The following EFNA3 variants were observed in gnomAD, a reference collection of about 807,000 sequenced individuals.
EFNA3 encodes the protein ephrin A3, also known as ephrin-A3.
In EFNA3, 15 loss-of-function variants were observed where a neutral mutation model predicts 25.0. The ratio of observed to expected loss-of-function variants is 0.60; its 90% CI spans 0.40 to 0.92. EFNA3 has a LOEUF of 0.92. Ranked by LOEUF, EFNA3 falls within the 40% of genes least tolerant of loss-of-function variation. The probability of loss-of-function intolerance (pLI) is 0.00; values close to 1 mark genes in which losing one functional copy is unlikely to be tolerated. For synonymous variants in EFNA3, 153 were observed against 145.6 expected, an observed-to-expected ratio of 1.05 and a Z score of -0.37; for missense variants, 298 against 323.8, an observed-to-expected ratio of 0.92 and a Z score of 0.61.
chr1:155,082,549 C>G (rs1663362252), intron 1 of EFNA3, among the ~76,000 whole-genome samples: 1 of 152,218 alleles, frequency 6.6e-6, no homozygotes, highest in South Asian at 2.1e-4. Context: ...GGATGCGCCT[C>G]AGAGGCTGTG....
In EFNA3 at chr1:155,078,918, GC is replaced by G; in HGVS notation, c.-23del. The G allele has an allele frequency of 7.3e-7, 1 of 1,361,282 alleles. No individual in the cohort carries two copies. Among genetic ancestry groups the G allele is most frequent in the Non-Finnish European group, 9.5e-7 (1 of 1,057,360 alleles). 84.3% of individuals were successfully genotyped at this position (1,361,282 alleles called of 1,614,324 possible). ...CGGGAGCGCGGGGCTCAGTCGGGGGGCGGCGGCGGCGGCGGCTCCGGGGATG... is the reference window on the plus strand; with the variant it reads ...CGGGAGCGCGGGGCTCAGTCGGGGGGGGCGGCGGCGGCGGCTCCGGGGATG... On this transcript the variant is annotated 5_prime_UTR_variant, in exon 1 of 5. Transcript: ENST00000368408.
At chr1:155,082,252 A>G (rs1018239914) in intron 1 of EFNA3, among the ~76,000 whole-genome samples, 2 of 152,050 alleles carry the variant, frequency 1.3e-5, no homozygotes, top group Non-Finnish European at 2.9e-5. Flanking sequence ...GGGAAGAGGA[A>G]CCCGGGTCTA....
At chr1:155,083,649 C>A (rs1200322134) in intron 1 of EFNA3, among the ~76,000 whole-genome samples, 1 of 152,180 alleles carries the variant, frequency 6.6e-6, no homozygotes, top group African/African-American at 2.4e-5. Flanking sequence ...ACAAGCAAAG[C>A]CAAGGAAGTG....
At position 155,081,664 on chromosome 1, in the gene EFNA3, GTC is replaced by G. The variant is rs934859500; in HGVS notation, c.128+2599_128+2600del. On this transcript the variant is annotated intron_variant, in intron 1 of 4. Coordinates refer to ENST00000368408, the MANE Select transcript of EFNA3 (RefSeq NM_004952.5). This position sits in a 1 kb window ranked among gnomAD's most constrained non-coding sequence, Gnocchi z 5.2. ...CCCTGTCCCTGCTTCTCTCCTTTGC[GTC>G]TCTGTCTCCGTCTCCGCCGTCTGTG... Among the ~76,000 whole-genome samples, 1 of 151,898 alleles carries G rather than the reference GTC, an allele frequency of 6.6e-6. No homozygotes were observed. Among genetic ancestry groups the G allele is most frequent in the African/African-American group, 2.4e-5 (1 of 41,354 alleles).
rs1036978490 is a variant in EFNA3 at position 155,081,360 on chromosome 1, G to T, written c.128+2291G>T. Among the ~76,000 whole-genome samples, 1 of 152,250 alleles carries T rather than the reference G, an allele frequency of 6.6e-6. No individual in the cohort carries two copies. Among genetic ancestry groups the T allele is most frequent in the Non-Finnish European group, 1.5e-5 (1 of 68,046 alleles). On this transcript the variant is annotated intron_variant, in intron 1 of 4. Transcript: ENST00000368408. The surrounding 1 kb of genome is among the most constrained non-coding windows in gnomAD (Gnocchi z 5.2). ...TAAGCCGGGAATCGAACTTGGTGAG[G>T]GGGGTTGGGACGGCCGATGGCCAAA... is the stretch of plus-strand genomic sequence containing the variant.
rs1332448026 is a variant in EFNA3 at position 155,085,740 on chromosome 1, C to G, written c.443-137C>G. The G allele has an allele frequency of 9.9e-7, 1 of 1,012,062 alleles. No individual in the cohort carries two copies. 62.7% of individuals were successfully genotyped at this position (1,012,062 alleles called of 1,614,324 possible). ...GGCCGACGGCAGAGCTAAAGTGACC[C>G]GTGTCCAAAGGGTAGGGGAGCTCCT... On this transcript the variant is annotated intron_variant, in intron 2 of 4. Transcript: ENST00000368408. The surrounding 1 kb of genome is among the most constrained non-coding windows in gnomAD (Gnocchi z 4.4).
At position 155,085,096 on chromosome 1, in the gene EFNA3, G is replaced by C. The variant is rs762313708; in HGVS notation, c.134G>C (p.Arg45Pro). 8.7e-6 allele frequency: 14 copies of C among 1,613,632 alleles called. No homozygotes were observed. Among genetic ancestry groups the C allele is most frequent in the Non-Finnish European group, 1.2e-5 (14 of 1,179,944 alleles). The change falls in exon 2 of 5, where the codon CGG becomes CCG. Residue 45 changes from arginine (R) to proline (P), a missense_variant. Arg to Pro is a moderately radical substitution (Grantham distance 103). Transcript: ENST00000368408. The surrounding 1 kb of genome is among the most constrained non-coding windows in gnomAD (Gnocchi z 4.4). ...CCGCTTCCTCTTCCCCACAGCCTGC[G>C]GCGAGAGGGCTACACCGTGCAGGTG... ...VYWNSSNQHL[R>P]REGYTVQVNV...
chr1:155,084,523 G>T (rs143148029), intron 1 of EFNA3, among the ~76,000 whole-genome samples: 255 of 152,352 alleles, frequency 1.7e-3, no homozygotes, highest in African/African-American at 5.3e-3. Flanking sequence ...GCATGAAGCC[G>T]CCATACATGC....
rs1461163980 is a variant in EFNA3 at position 155,081,933 on chromosome 1, C to A, written c.128+2864C>A. Among the ~76,000 whole-genome samples, 3 of 152,158 alleles carry A rather than the reference C, an allele frequency of 2.0e-5. No homozygotes were observed. Among genetic ancestry groups the A allele is most frequent in the African/African-American group, 7.2e-5 (3 of 41,462 alleles). ...CCGCTGCAGATCAATAAACCTTCGC[C>A]GCCGCCGCCGCCGCTGTCGCAGGGA... On this transcript the variant is annotated intron_variant, in intron 1 of 4. Coordinates refer to ENST00000368408, the MANE Select transcript of EFNA3 (RefSeq NM_004952.5). This position sits in a 1 kb window ranked among gnomAD's most constrained non-coding sequence, Gnocchi z 5.2.
chr1:155,085,080 C>A lies in EFNA3; in HGVS notation c.129-11C>A. The A allele has an allele frequency of 6.2e-7, 1 of 1,613,026 alleles. No individual in the cohort carries two copies. The highest frequency in any genetic ancestry group is 1.1e-5 in the South Asian group (1 of 90,984). ...GTTTCTTCTCTCTGAGCCGCTTCCT[C>A]TTCCCCACAGCCTGCGGCGAGAGGG... is the stretch of plus-strand genomic sequence containing the variant. On this transcript the variant is annotated splice_polypyrimidine_tract_variant and intron_variant, in intron 1 of 4. Transcript: ENST00000368408. This position sits in a 1 kb window ranked among gnomAD's most constrained non-coding sequence, Gnocchi z 4.4.
At chr1:155,082,068 C>G (rs1663352112) in intron 1 of EFNA3, among the ~76,000 whole-genome samples, 2 of 152,178 alleles carry the variant, frequency 1.3e-5, no homozygotes, top group Non-Finnish European at 2.9e-5. Flanking sequence ...GGCGCCGAGG[C>G]CCAGGGCGCC....
At chr1:155,086,002 C>A in intron 3 of EFNA3, 60 bp downstream of exon 3, 1 of 1,577,304 alleles carries the variant, frequency 6.3e-7, no homozygotes, top group South Asian at 1.2e-5. Flanking sequence ...TGGGGCTCCC[C>A]TGGCTTCCTG....
chr1:155,085,855 T>A lies in EFNA3; in HGVS notation c.443-22T>A. ...CAGGCACACATTGGGCGAAAGTGAC[T>A]CAGGCCCGGTCTCCTCCCCAGCCAC... On this transcript the variant is annotated intron_variant, in intron 2 of 4. Coordinates refer to ENST00000368408, the MANE Select transcript of EFNA3 (RefSeq NM_004952.5). This position sits in a 1 kb window ranked among gnomAD's most constrained non-coding sequence, Gnocchi z 4.4. 6.2e-7 allele frequency: 1 copy of A among 1,611,998 alleles called. No individual in the cohort carries two copies. The highest frequency in any genetic ancestry group is 8.5e-7 in the Non-Finnish European group (1 of 1,179,106).
Position 155,079,162 on chromosome 1 carries a change from G to A in EFNA3, c.128+93G>A. On this transcript the variant is annotated intron_variant, in intron 1 of 4. Transcript: ENST00000368408. The surrounding 1 kb of genome is among the most constrained non-coding windows in gnomAD (Gnocchi z 7.7). ...AGTCCTGGGGGATCCCGGGGTGGGA[G>A]TCCTGGGAGACCAGAGCTGGGGGCT... 8.1e-7 allele frequency: 1 copy of A among 1,237,482 alleles called. No individual in the cohort carries two copies. The highest frequency in any genetic ancestry group is 1.0e-6 in the Non-Finnish European group (1 of 972,364). 76.7% of individuals were successfully genotyped at this position (1,237,482 alleles called of 1,614,324 possible). A position where few individuals can be genotyped will look rare whatever the true frequency, so the allele number is the denominator to read the frequency against.
Position 155,085,379 on chromosome 1 carries a change from C to T in EFNA3, c.417C>T (p.His139=), listed in dbSNP as rs907188438. ...CCTTCTCTCTGGGCTACGAGTTCCACGCCGGCCACGAGTACTACTACATCT... is the reference window on the plus strand; with the variant it reads ...CCTTCTCTCTGGGCTACGAGTTCCATGCCGGCCACGAGTACTACTACATCT... The part of the protein sequence containing the change: ...YSAFSLGYEF[H]AGHEYYYIST... Residue 139 remains histidine (H), a synonymous_variant, in exon 2 of 5, where the codon CAC becomes CAT. Transcript: ENST00000368408. The surrounding 1 kb of genome is among the most constrained non-coding windows in gnomAD (Gnocchi z 4.4). 1.9e-6 allele frequency: 3 copies of T among 1,609,448 alleles called. No homozygotes were observed. The African/African-American group carries it at 4.0e-5, about 22-fold the overall frequency.
rs569176633 is a variant in EFNA3 at position 155,086,563 on chromosome 1, G to A, written c.*20G>A. ...TCCTAGCTCTGCCCCCTCCCCTGGGGGGGGAGAGATGGGGCGGGGCTTGGA... is the reference window on the plus strand; with the variant it reads ...TCCTAGCTCTGCCCCCTCCCCTGGGAGGGGAGAGATGGGGCGGGGCTTGGA... On this transcript the variant is annotated 3_prime_UTR_variant, in exon 5 of 5. Coordinates refer to ENST00000368408, the MANE Select transcript of EFNA3 (RefSeq NM_004952.5). The A allele has an allele frequency of 3.7e-4, 590 of 1,612,458 alleles. 6 individuals are homozygous for A. In the South Asian group the frequency reaches 5.2e-3, roughly 14 times the overall value.
chr1:155,085,241 C>G lies in EFNA3; in HGVS notation c.279C>G (p.Arg93=), dbSNP rs1392769372. The G allele has an allele frequency of 6.2e-7, 1 of 1,612,846 alleles. No homozygotes were observed. The part of the protein sequence containing the change: ...AEQYVLYMVS[R]NGYRTCNASQ... The stretch of plus-strand genomic sequence containing the variant: ...AGTACGTGCTGTACATGGTGAGCCG[C>G]AACGGCTACCGCACCTGCAACGCCA... Residue 93 remains arginine (R), a synonymous_variant, in exon 2 of 5, where the codon CGC becomes CGG. Coordinates refer to ENST00000368408, the MANE Select transcript of EFNA3 (RefSeq NM_004952.5). This position sits in a 1 kb window ranked among gnomAD's most constrained non-coding sequence, Gnocchi z 4.4.
rs1490702824 is a variant in EFNA3 at position 155,085,006 on chromosome 1, C to T, written c.129-85C>T. 114 of 1,493,706 alleles carry T rather than the reference C, an allele frequency of 7.6e-5. 1 individual carries two copies. The East Asian group carries it at 2.6e-3, about 34-fold the overall frequency. The allele number at this position is 1,493,706 out of a possible 1,614,324, so 92.5% of individuals were successfully genotyped here. A position where few individuals can be genotyped will look rare whatever the true frequency, so the allele number is the denominator to read the frequency against. ...GAAAAGTCGGAAGGCTACGCGGACC[C>T]TGGGGAGGGGCTGCGGAGCGGTCAG... On this transcript the variant is annotated intron_variant, in intron 1 of 4. Coordinates refer to ENST00000368408, the MANE Select transcript of EFNA3 (RefSeq NM_004952.5). This position sits in a 1 kb window ranked among gnomAD's most constrained non-coding sequence, Gnocchi z 4.4.
Position 155,080,207 on chromosome 1 carries a change from C to G in EFNA3, c.128+1138C>G, listed in dbSNP as rs1663314868. On this transcript the variant is annotated intron_variant, in intron 1 of 4. Coordinates refer to ENST00000368408, the MANE Select transcript of EFNA3 (RefSeq NM_004952.5). This position sits in a 1 kb window ranked among gnomAD's most constrained non-coding sequence, Gnocchi z 7.0. ...CTGCCCACCCCAGGGACCGACCGAC[C>G]AGGGAGCAAATGGCCAGACCCCAGG... Among the ~76,000 whole-genome samples, 1 of 152,100 alleles carries G rather than the reference C, an allele frequency of 6.6e-6. No homozygotes were observed. Among genetic ancestry groups the G allele is most frequent in the African/African-American group, 2.4e-5 (1 of 41,400 alleles).
Sources: allele counts gnomAD v4.1 joint callset (sites outside exome capture counted in the v4.1 genomes callset), GRCh38; gene constraint gnomAD v4.1.1; non-coding constraint Gnocchi (gnomAD v3.1); transcripts MANE v1.5; gene names NCBI Gene and HGNC (gene_info 2026-07-23, HGNC 2026-07-21).